Variants in ERC2 observed in about 807,000 individuals in gnomAD.
ERC2 encodes the protein ERC protein 2.
A neutral mutation model predicts 114.8 loss-of-function variants in ERC2; 42 were observed. The observed-to-expected ratio is 0.37, with a 90% CI of 0.29 to 0.47. ERC2 has a LOEUF of 0.47. ERC2 is among the 20% of genes least tolerant of loss of function. The probability of loss-of-function intolerance (pLI) is 0.99; values close to 1 mark genes in which losing one functional copy is unlikely to be tolerated. For missense variants in ERC2, 939 were observed against 1,150.7 expected (o/e 0.82, Z 2.66); for synonymous variants, 454 against 425.5 (o/e 1.07, Z -0.82).
At chr3:56,078,710 C>T (rs186945763) in intron 7 of ERC2, among the ~76,000 whole-genome samples, 1 of 152,154 alleles carries the variant, frequency 6.6e-6, no homozygotes, top group East Asian at 1.9e-4. Flanking sequence ...AACTCTGGAG[C>T]AAGTTCATTT....
At chr3:56,371,266 T>G (rs997783811) in intron 2 of ERC2, among the ~76,000 whole-genome samples, 2 of 152,212 alleles carry the variant, frequency 1.3e-5, no homozygotes, top group African/African-American at 2.4e-5. Context: ...AGTCAATGAC[T>G]GCCAGTTTCT....
chr3:55,884,191 G>A (rs1331481875), intron 14 of ERC2, among the ~76,000 whole-genome samples: 1 of 152,122 alleles, frequency 6.6e-6, no homozygotes, highest in African/African-American at 2.4e-5. Context: ...TCAGAACACT[G>A]GAACTGACAC....
intron 14 of ERC2, among the ~76,000 whole-genome samples, chr3:55,745,129 GACAT>G (rs1559586806): frequency 6.6e-6 from 1 of 152,184 alleles, no homozygotes; most frequent in Non-Finnish European, 1.5e-5. Flanking sequence ...TTCATGAGTT[GACAT>G]CTGCTCCATA....
At chr3:56,118,883 G>T (rs1316782490) in intron 6 of ERC2, among the ~76,000 whole-genome samples, 1 of 152,018 alleles carries the variant, frequency 6.6e-6, no homozygotes, top group South Asian at 2.1e-4. Flanking sequence ...TGACCCACCC[G>T]CCTCGGCCTC....
intron 13 of ERC2, among the ~76,000 whole-genome samples, chr3:55,943,092 G>A (rs1261327708): frequency 6.6e-6 from 1 of 152,186 alleles, no homozygotes; most frequent in Non-Finnish European, 1.5e-5. Context: ...GGGTAAACCT[G>A]AGGTAATTAT....
intron 17 of ERC2, among the ~76,000 whole-genome samples, chr3:55,670,132 A>G (rs2061501451): frequency 6.6e-6 from 1 of 152,214 alleles, no homozygotes. Flanking sequence ...CGCTTTCCCC[A>G]TTTTCCAGAT....
intron 2 of ERC2, among the ~76,000 whole-genome samples, chr3:56,352,467 T>C (rs1257928023): frequency 6.6e-6 from 1 of 152,106 alleles, no homozygotes; most frequent in Non-Finnish European, 1.5e-5. Flanking sequence ...CAGGACAAGA[T>C]TGCGGGGAGG....
chr3:56,106,756 T>C, intron 6 of ERC2, among the ~76,000 whole-genome samples: 1 of 152,234 alleles, frequency 6.6e-6, no homozygotes, highest in East Asian at 1.9e-4. Context: ...AACTGGCTTA[T>C]ATTTATCAGC....
intron 1 of ERC2, among the ~76,000 whole-genome samples, chr3:56,450,925 G>C (rs1225870402): frequency 2.0e-5 from 3 of 152,102 alleles, no homozygotes; most frequent in Non-Finnish European, 4.4e-5. Context: ...ATTAAAATAA[G>C]TGACGTTTAA....
chr3:56,256,829 T>G (rs1231426903), intron 3 of ERC2, among the ~76,000 whole-genome samples: 3 of 152,174 alleles, frequency 2.0e-5, no homozygotes, highest in Non-Finnish European at 4.4e-5. Flanking sequence ...TCCTGCCGCC[T>G]TGTGAATAAG....
At chr3:55,765,684 T>G (rs2067727756) in intron 14 of ERC2, among the ~76,000 whole-genome samples, 1 of 152,198 alleles carries the variant, frequency 6.6e-6, no homozygotes, top group Non-Finnish European at 1.5e-5. Flanking sequence ...CTGGGGCTAT[T>G]ACATCATGCA....
chr3:55,648,335 C>T (rs2060477588), intron 17 of ERC2, among the ~76,000 whole-genome samples: 1 of 152,168 alleles, frequency 6.6e-6, no homozygotes, highest in Non-Finnish European at 1.5e-5. Flanking sequence ...GGGAATTATT[C>T]AACCTGGATG....
chr3:55,651,097 G>C (rs907466882), intron 17 of ERC2, among the ~76,000 whole-genome samples: 1 of 137,110 alleles, frequency 7.3e-6, no homozygotes, highest in African/African-American at 2.8e-5. Context: ...CTGACCTCAT[G>C]TGATCCTCCC....
intron 3 of ERC2, among the ~76,000 whole-genome samples, chr3:56,183,804 T>G (rs2083430565): frequency 2.0e-5 from 3 of 152,040 alleles, no homozygotes; most frequent in Non-Finnish European, 4.4e-5. Context: ...GAAAGAATGC[T>G]GAGGAGAATG....
intron 7 of ERC2, among the ~76,000 whole-genome samples, chr3:56,033,030 C>CAGAAAGAAAGAAAGAAAGAAAGAAAGAA (rs71099612): frequency 1.5e-5 from 1 of 65,184 alleles, no homozygotes; most frequent in African/African-American, 5.4e-5. Context: ...AAAAAAGAAA[C>CAGAAAGAAAGAAAGAAAGAAAGAAAGAA]AGAAAGAAAG....
intron 17 of ERC2, among the ~76,000 whole-genome samples, chr3:55,615,792 C>T (rs1053629239): frequency 6.6e-6 from 1 of 152,076 alleles, no homozygotes; most frequent in African/African-American, 2.4e-5. Flanking sequence ...TCAGCAGAGG[C>T]CTTGTTGTTA....
chr3:55,798,092 G>A (rs961652893), intron 14 of ERC2, among the ~76,000 whole-genome samples: 2 of 152,052 alleles, frequency 1.3e-5, no homozygotes, highest in African/African-American at 2.4e-5. Context: ...GAAAAGGAAA[G>A]TCTAGCACAT....
intron 2 of ERC2, among the ~76,000 whole-genome samples, chr3:56,421,760 T>A (rs1265239047): frequency 1.3e-5 from 2 of 152,204 alleles, no homozygotes; most frequent in Non-Finnish European, 2.9e-5. Flanking sequence ...CCGCTCCATG[T>A]GACACCTGGC....
chr3:56,044,096 A>T (rs551293198), intron 7 of ERC2, among the ~76,000 whole-genome samples: 1 of 152,292 alleles, frequency 6.6e-6, no homozygotes, highest in South Asian at 2.1e-4. Context: ...TACTTTCATT[A>T]TCTTAAGTTA....
Sources: gnomAD v4.1 joint callset for allele counts (sites outside exome capture counted in the v4.1 genomes callset) on GRCh38, gnomAD v4.1.1 for gene constraint, MANE v1.5 for transcripts, NCBI Gene and HGNC (gene_info 2026-07-23, HGNC 2026-07-21) for gene names.